The following GRM5 variants were observed in gnomAD, a reference collection of about 807,000 sequenced individuals.
GRM5 encodes the protein glutamate metabotropic receptor 5.
GRM5 carries 19 observed loss-of-function variants against 83.1 expected under a neutral mutation model. The ratio of observed to expected loss-of-function variants is 0.23; its 90% CI spans 0.16 to 0.34. The LOEUF is 0.34. GRM5 is among the 10% of genes least tolerant of loss of function. The probability of loss-of-function intolerance (pLI) is 1.00; values close to 1 mark genes in which losing one functional copy is unlikely to be tolerated. For missense variants in GRM5, 1,160 were observed against 1,588.3 expected, an observed-to-expected ratio of 0.73 and a Z score of 4.58; for synonymous variants, 675 against 633.6, an observed-to-expected ratio of 1.07 and a Z score of -0.98.
chr11:89,026,081 T>C (rs1941124593), intron 2 of GRM5, among the ~76,000 whole-genome samples: 1 of 152,154 alleles, frequency 6.6e-6, no homozygotes, highest in Non-Finnish European at 1.5e-5. Context: ...AAATACCACA[T>C]GTTCTCACTT....
At chr11:88,555,693 C>T (rs145995050) in intron 8 of GRM5, among the ~76,000 whole-genome samples, 111 of 152,256 alleles carry the variant, frequency 7.3e-4, no homozygotes, top group Middle Eastern at 3.4e-3. Context: ...TGTCGTGATG[C>T]CACAGAGCAA....
chr11:88,508,548 G>A lies in GRM5; in HGVS notation c.*44C>T, dbSNP rs1167894402. ...CCATTGTGTGTGTGTGAACACGGGG[G>A]GCTCCGCTCCGCACGCGCAGGCCGG... is the stretch of plus-strand genomic sequence containing the variant. On this transcript the variant is annotated 3_prime_UTR_variant, in exon 10 of 10. Coordinates refer to ENST00000305447, the MANE Select transcript of GRM5 (RefSeq NM_001143831.3). The surrounding 1 kb of genome is among the most constrained non-coding windows in gnomAD (Gnocchi z 4.2). 6.6e-7 allele frequency: 1 copy of A among 1,514,662 alleles called. No individual in the cohort carries two copies. Among genetic ancestry groups the A allele is most frequent in the Non-Finnish European group, 9.1e-7 (1 of 1,097,952 alleles). The allele number at this position is 1,514,662 out of a possible 1,614,324, so 93.8% of individuals were successfully genotyped here.
intron 2 of GRM5, among the ~76,000 whole-genome samples, chr11:88,919,617 A>G (rs1945655197): frequency 6.6e-6 from 1 of 151,884 alleles, no homozygotes; most frequent in Admixed American, 6.6e-5. Context: ...CTCAGCACAT[A>G]CATCATGCTC....
chr11:88,930,585 G>A (rs4753777), intron 2 of GRM5, among the ~76,000 whole-genome samples: 17,306 of 152,010 alleles, frequency 0.11, 1,598 homozygotes, highest in East Asian at 0.27. Context: ...GTGCAATGGT[G>A]AGATCACTGC....
intron 2 of GRM5, among the ~76,000 whole-genome samples, chr11:88,997,768 G>T (rs922596833): frequency 1.3e-5 from 2 of 151,858 alleles, no homozygotes; most frequent in African/African-American, 4.8e-5. Context: ...AATATAAATA[G>T]ATAACTTCAA....
intron 2 of GRM5, among the ~76,000 whole-genome samples, chr11:88,890,365 G>C (rs1328466883): frequency 1.3e-5 from 2 of 152,066 alleles, no homozygotes; most frequent in Non-Finnish European, 2.9e-5. Flanking sequence ...ACCTGGCCCA[G>C]TTCCACCAAA....
At chr11:88,888,823 T>C (rs761373868) in intron 2 of GRM5, among the ~76,000 whole-genome samples, 5 of 152,188 alleles carry the variant, frequency 3.3e-5, no homozygotes, top group Non-Finnish European at 7.4e-5. Flanking sequence ...AAAGTTACTT[T>C]AGGTTAGGAT....
At chr11:89,028,878 G>C (rs947662195) in intron 2 of GRM5, among the ~76,000 whole-genome samples, 3 of 152,086 alleles carry the variant, frequency 2.0e-5, no homozygotes, top group African/African-American at 7.2e-5. Context: ...ATGGTGGTTT[G>C]CTGCACCCGT....
At chr11:88,650,371 A>G (rs185125274) in intron 4 of GRM5, among the ~76,000 whole-genome samples, 5 of 152,100 alleles carry the variant, frequency 3.3e-5, no homozygotes, top group African/African-American at 1.2e-4. Flanking sequence ...AAAAGATAAT[A>G]AACTCAAAGA....
chr11:88,725,601 C>T (rs1941659309), intron 3 of GRM5, among the ~76,000 whole-genome samples: 2 of 152,164 alleles, frequency 1.3e-5, no homozygotes, highest in African/African-American at 4.8e-5. Flanking sequence ...GAGACACCTC[C>T]CATCAGGGAT....
intron 2 of GRM5, among the ~76,000 whole-genome samples, chr11:88,970,474 C>T (rs1361774181): frequency 2.0e-5 from 3 of 152,196 alleles, no homozygotes; most frequent in Non-Finnish European, 4.4e-5. Context: ...AAAACATCAT[C>T]ATTTGGCCTC....
At position 88,687,571 on chromosome 11, in the gene GRM5, A is replaced by ATTATATATATTATATATATATATAT. The variant is rs67868877; in HGVS notation, c.912-34169_912-34168insATATATATATATATAATATATATAA. ...ACACACACATATATATTATATATATATATATATAATATATATATATATATA... is the reference window on the plus strand; with the variant it reads ...ACACACACATATATATTATATATATATTATATATATTATATATATATATATTATATATAATATATATATATATATA... On this transcript the variant is annotated intron_variant, in intron 3 of 9. Coordinates refer to ENST00000305447, the MANE Select transcript of GRM5 (RefSeq NM_001143831.3). Among the ~76,000 whole-genome samples the ATTATATATATTATATATATATATAT allele has an allele frequency of 1.5e-3, 40 of 27,458 alleles. 5 individuals carry two copies. The highest frequency in any genetic ancestry group is 4.2e-3 in the Admixed American group (8 of 1,902). 18.0% of individuals were successfully genotyped at this position (27,458 alleles called of 152,430 possible).
intron 4 of GRM5, among the ~76,000 whole-genome samples, chr11:88,643,822 A>C (rs374046592): frequency 6.6e-6 from 1 of 152,174 alleles, no homozygotes; most frequent in Admixed American, 6.5e-5. Flanking sequence ...GTTCTGAGCT[A>C]TGGCTAAGCC....
intron 2 of GRM5, among the ~76,000 whole-genome samples, chr11:89,038,235 A>G (rs1941441582): frequency 6.6e-6 from 1 of 152,078 alleles, no homozygotes; most frequent in African/African-American, 2.4e-5. Context: ...AGTCCCCTAA[A>G]ATAAATGTAT....
chr11:88,630,778 A>C (rs1591394920), intron 4 of GRM5, among the ~76,000 whole-genome samples: 1 of 152,058 alleles, frequency 6.6e-6, no homozygotes, highest in East Asian at 1.9e-4. Context: ...GGGTTTCTCC[A>C]TGTTGGTCAG....
intron 3 of GRM5, among the ~76,000 whole-genome samples, chr11:88,837,470 TTAAA>T (rs1360213886): frequency 1.3e-5 from 2 of 152,196 alleles, no homozygotes; most frequent in African/African-American, 4.8e-5. Flanking sequence ...ACAGTGCTTG[TTAAA>T]TAAAGATCAC....
intron 2 of GRM5, among the ~76,000 whole-genome samples, chr11:88,882,377 C>T (rs1284979357): frequency 7.0e-6 from 1 of 143,464 alleles, no homozygotes; most frequent in Non-Finnish European, 1.5e-5. Flanking sequence ...CGGTGAAACC[C>T]CATCTCTACT....
At chr11:88,569,594 T>G (rs1390832356) in intron 7 of GRM5, among the ~76,000 whole-genome samples, 1 of 152,248 alleles carries the variant, frequency 6.6e-6, no homozygotes, top group Non-Finnish European at 1.5e-5. Context: ...ACTTTCTTCT[T>G]CTGCTGCCTG....
intron 2 of GRM5, among the ~76,000 whole-genome samples, chr11:89,042,843 T>C (rs868838015): frequency 1.4e-5 from 2 of 146,940 alleles, no homozygotes; most frequent in South Asian, 2.1e-4. Flanking sequence ...TATTATAACC[T>C]GAAATTGCAA....
Sources: gnomAD v4.1 joint callset for allele counts (sites outside exome capture counted in the v4.1 genomes callset) on GRCh38, gnomAD v4.1.1 for gene constraint, Gnocchi (gnomAD v3.1) non-coding constraint, MANE v1.5 for transcripts, NCBI Gene and HGNC (gene_info 2026-07-23, HGNC 2026-07-21) for gene names.